RBM15B: variants seen among roughly 807,000 people sequenced by gnomAD.
RBM15B encodes putative RNA-binding protein 15B.
Under a neutral mutation model 53.3 loss-of-function variants are expected in RBM15B, and 11 were observed. The ratio of observed to expected loss-of-function variants is 0.21; its 90% confidence interval spans 0.13 to 0.34. The LOEUF is 0.34. RBM15B is among the 10% of genes least tolerant of loss of function. RBM15B has a pLI of 1.00. For missense variants in RBM15B, 1,136 were observed against 1,250.3 expected, an observed-to-expected ratio of 0.91 and a Z score of 1.38; for synonymous variants, 631 against 540.7, an observed-to-expected ratio of 1.17 and a Z score of -2.32.
rs1204068570 is a variant in RBM15B, at chr3:51,394,979, A to C, written c.*907A>C. The C allele has an allele frequency of 6.0e-6, 1 of 167,012 alleles. No homozygotes were observed. Among genetic ancestry groups the C allele is most frequent in the Non-Finnish European group, 1.5e-5 (1 of 68,166 alleles). 10.3% of individuals were successfully genotyped at this position (167,012 alleles called of 1,614,324 possible). A position where few individuals can be genotyped will look rare whatever the true frequency, so the allele number is the denominator to read the frequency against. Reference sequence around the variant, plus strand: ...AGGGGCCCGGGAGTCCAAATACTGGAATGGAGGGTTGGAGGCAGCCTTCCT... The same window carrying C: ...AGGGGCCCGGGAGTCCAAATACTGGCATGGAGGGTTGGAGGCAGCCTTCCT... On this transcript the variant is annotated 3_prime_UTR_variant, in exon 1 of 1. Coordinates refer to ENST00000563281, the MANE Select transcript of RBM15B (RefSeq NM_013286.5).
At position 51,392,533 on chromosome 3, in the gene RBM15B, C is replaced by T. The variant is rs2089056488; in HGVS notation, c.1134C>T (p.Ala378=). 4 of 1,613,898 alleles carry T rather than the reference C, an allele frequency of 2.5e-6. No individual in the cohort carries two copies. Among genetic ancestry groups the T allele is most frequent in the African/African-American group, 1.3e-5 (1 of 75,066 alleles). The change falls in exon 1 of 1, where the codon GCC becomes GCT. Residue 378 remains alanine (A), a synonymous_variant. Transcript: ENST00000563281. The surrounding 1 kb of genome is among the most constrained non-coding windows in gnomAD (Gnocchi z 7.5). Reference sequence around the variant, plus strand: ...GGCCTGCCCGTGGCCAGGGCGGTGCCTATGCCTTCCTCAAGTTCCAGAACC... The same window carrying T: ...GGCCTGCCCGTGGCCAGGGCGGTGCTTATGCCTTCCTCAAGTTCCAGAACC... ...IKRPARGQGG[A]YAFLKFQNLD...
At position 51,395,960 on chromosome 3, in the gene RBM15B, A is replaced by G. The variant is rs1163383396; in HGVS notation, c.*1888A>G. ...AGGTACCTAAGCAAGTCAGTTGGGT[A>G]CAGCAGGACACGCCACCATTCCAGG... On this transcript the variant is annotated 3_prime_UTR_variant, in exon 1 of 1. Coordinates refer to ENST00000563281, the MANE Select transcript of RBM15B (RefSeq NM_013286.5). 2.9e-5 allele frequency: 12 copies of G among 413,376 alleles called. No homozygotes were observed. Among genetic ancestry groups the G allele is most frequent in the African/African-American group, 2.3e-4 (11 of 48,632 alleles). 25.6% of individuals were successfully genotyped at this position (413,376 alleles called of 1,614,324 possible). A position where few individuals can be genotyped will look rare whatever the true frequency, so the allele number is the denominator to read the frequency against.
chr3:51,394,646 G>A lies in RBM15B; in HGVS notation c.*574G>A, dbSNP rs1553622285. The A allele has an allele frequency of 6.0e-6, 1 of 167,156 alleles. No individual in the cohort carries two copies. Among genetic ancestry groups the A allele is most frequent in the South Asian group, 2.1e-4 (1 of 4,830 alleles). 10.4% of individuals were successfully genotyped at this position (167,156 alleles called of 1,614,324 possible). On this transcript the variant is annotated 3_prime_UTR_variant, in exon 1 of 1. Transcript: ENST00000563281. ...CTGAGTAGAGCCCATGCAAAGGAAG[G>A]GATGGGGTGAGCGCAAGGCCTGTGG...
rs2089098640 is a variant in RBM15B at position 51,394,274 on chromosome 3, G to A, written c.*202G>A. The A allele has an allele frequency of 3.0e-6, 2 of 670,116 alleles. No homozygotes were observed. Among genetic ancestry groups the A allele is most frequent in the Admixed American group, 8.7e-5 (2 of 23,042 alleles). The allele number at this position is 670,116 out of a possible 1,614,324, so 41.5% of individuals were successfully genotyped here. A position where few individuals can be genotyped will look rare whatever the true frequency, so the allele number is the denominator to read the frequency against. On this transcript the variant is annotated 3_prime_UTR_variant, in exon 1 of 1. Coordinates refer to ENST00000563281, the MANE Select transcript of RBM15B (RefSeq NM_013286.5). ...TTTTTTTTTTTAAACGATGAGAAGG[G>A]AATCCGGTTATGTTGATTTCTAGTG...
chr3:51,394,082 G>A lies in RBM15B; in HGVS notation c.*10G>A, dbSNP rs782084966. The A allele has an allele frequency of 8.5e-6, 12 of 1,411,232 alleles. No homozygotes were observed. Among genetic ancestry groups the A allele is most frequent in the Non-Finnish European group, 1.1e-5 (12 of 1,078,128 alleles). 87.4% of individuals were successfully genotyped at this position (1,411,232 alleles called of 1,614,324 possible). On this transcript the variant is annotated 3_prime_UTR_variant, in exon 1 of 1. Coordinates refer to ENST00000563281, the MANE Select transcript of RBM15B (RefSeq NM_013286.5). ...CAGAGACACTGCCTAGCCCAAGCCT[G>A]TCTTTCCCAGCGTCATGTTTGTGTC...
At position 51,397,462 on chromosome 3, in the gene RBM15B, C is replaced by T. The variant is rs782003437; in HGVS notation, c.*3390C>T. On this transcript the variant is annotated 3_prime_UTR_variant, in exon 1 of 1. Transcript: ENST00000563281. ...CCGCTGCCCCAGCTACAGAGACGGC[C>T]GAAATGCTTTCACTCCTTAGCTTTG... 4 of 167,046 alleles carry T rather than the reference C, an allele frequency of 2.4e-5. No homozygotes were observed. Among genetic ancestry groups the T allele is most frequent in the Non-Finnish European group, 4.4e-5 (3 of 68,120 alleles). The allele number at this position is 167,046 out of a possible 1,614,324, so 10.3% of individuals were successfully genotyped here.
At position 51,394,203 on chromosome 3, in the gene RBM15B, C is replaced by T; in HGVS notation, c.*131C>T. On this transcript the variant is annotated 3_prime_UTR_variant, in exon 1 of 1. Coordinates refer to ENST00000563281, the MANE Select transcript of RBM15B (RefSeq NM_013286.5). ...TATTTTGGTTCATTTGGGTGGGGAT[C>T]AAAGTCCTGTCCACCACCAAAACTA... 17 of 1,197,594 alleles carry T rather than the reference C, an allele frequency of 1.4e-5. No individual in the cohort carries two copies. Among genetic ancestry groups the T allele is most frequent in the Non-Finnish European group, 1.8e-5 (17 of 938,580 alleles). The allele number at this position is 1,197,594 out of a possible 1,614,324, so 74.2% of individuals were successfully genotyped here.
At position 51,392,450 on chromosome 3, in the gene RBM15B, G is replaced by A. The variant is rs148038127; in HGVS notation, c.1051G>A (p.Val351Met). ...TAACCTGGACCACAGCGTATCTGAG[G>A]TGGAGCTGCGAAGGGCCTTCGAGAA... ...IGNLDHSVSE[V>M]ELRRAFEKYG... is the part of the protein sequence containing the mutation. Residue 351 changes from valine to methionine, a missense_variant, in exon 1 of 1, where the codon GTG becomes ATG. Val to Met is a conservative substitution (Grantham distance 21). Around this residue, in one of 7 missense-constraint regions of RBM15B, gnomAD observed 40 missense variants for 74.2 expected, o/e 0.54. Transcript: ENST00000563281. This position sits in a 1 kb window ranked among gnomAD's most constrained non-coding sequence, Gnocchi z 7.5. The A allele has an allele frequency of 1.6e-4, 264 of 1,613,928 alleles. No individual in the cohort carries two copies. Among genetic ancestry groups the A allele is most frequent in the Non-Finnish European group, 2.2e-4 (254 of 1,180,048 alleles).
chr3:51,391,832 A>C lies in RBM15B; in HGVS notation c.433A>C (p.Ser145Arg). 5.6e-6 allele frequency: 9 copies of C among 1,602,208 alleles called. No homozygotes were observed. Among genetic ancestry groups the C allele is most frequent in the Non-Finnish European group, 7.6e-6 (9 of 1,179,296 alleles). ...TGAGTACAAGACGTTGCTCATCAGC[A>C]GCTTGAGCCCCGCGCTGCCCGCCGA... ...APEYKTLLIS[S>R]LSPALPAEHL... Residue 145 changes from serine to arginine, a missense_variant, in exon 1 of 1, where the codon AGC (serine) becomes CGC (arginine). By Grantham distance (110) the Ser-to-Arg change is moderately radical (BLOSUM62 -1). Coordinates refer to ENST00000563281, the MANE Select transcript of RBM15B (RefSeq NM_013286.5). This position sits in a 1 kb window ranked among gnomAD's most constrained non-coding sequence, Gnocchi z 4.5.
In RBM15B at chr3:51,394,078, G is replaced by A; in HGVS notation, c.*6G>A. On this transcript the variant is annotated 3_prime_UTR_variant, in exon 1 of 1. Coordinates refer to ENST00000563281, the MANE Select transcript of RBM15B (RefSeq NM_013286.5). ...TCGTCAGAGACACTGCCTAGCCCAA[G>A]CCTGTCTTTCCCAGCGTCATGTTTG... 7.0e-7 allele frequency: 1 copy of A among 1,420,086 alleles called. No individual in the cohort carries two copies. Among genetic ancestry groups the A allele is most frequent in the Non-Finnish European group, 9.2e-7 (1 of 1,083,112 alleles). 88.0% of individuals were successfully genotyped at this position (1,420,086 alleles called of 1,614,324 possible). A position where few individuals can be genotyped will look rare whatever the true frequency, so the allele number is the denominator to read the frequency against.
Position 51,392,933 on chromosome 3 carries a change from C to G in RBM15B, c.1534C>G (p.Leu512Val). The G allele has an allele frequency of 6.2e-7, 1 of 1,613,850 alleles. No homozygotes were observed. Among genetic ancestry groups the G allele is most frequent in the South Asian group, 1.1e-5 (1 of 91,084 alleles). The change falls in exon 1 of 1, where the codon CTG (leucine) becomes GTG (valine). Residue 512 changes from leucine to valine, a missense_variant. Transcript: ENST00000563281. The surrounding 1 kb of genome is among the most constrained non-coding windows in gnomAD (Gnocchi z 7.5). ...QPSPLPVHYE[L>V]LTDGYTRHRN... is the part of the protein sequence containing the mutation. ...CTCGCCACTCCCTGTGCATTATGAG[C>G]TGCTCACAGATGGATACACCCGGCA...
In RBM15B at chr3:51,392,369, G is replaced by C; in HGVS notation, c.970G>C (p.Glu324Gln). 1 of 1,613,986 alleles carries C rather than the reference G, an allele frequency of 6.2e-7. No homozygotes were observed. The highest frequency in any genetic ancestry group is 8.5e-7 in the Non-Finnish European group (1 of 1,180,050). Residue 324 changes from glutamate to glutamine, a missense_variant, in exon 1 of 1, where the codon GAG becomes CAG. Glu to Gln is a conservative substitution (Grantham distance 29). Around this residue, in one of 7 missense-constraint regions of RBM15B, gnomAD observed 204 missense variants for 196.8 expected, o/e 1.04. Coordinates refer to ENST00000563281, the MANE Select transcript of RBM15B (RefSeq NM_013286.5). This position sits in a 1 kb window ranked among gnomAD's most constrained non-coding sequence, Gnocchi z 7.5. Reference sequence around the variant, plus strand: ...CCCCTATGGCTACCCAGCTGTGTGTGAGGAGGACCTGATGCCCGAGGATGA... The same window carrying C: ...CCCCTATGGCTACCCAGCTGTGTGTCAGGAGGACCTGATGCCCGAGGATGA... ...GRPYGYPAVC[E>Q]EDLMPEDDQR...
At position 51,392,981 on chromosome 3, in the gene RBM15B, G is replaced by A. The variant is rs782787475; in HGVS notation, c.1582G>A (p.Val528Met). The A allele has an allele frequency of 1.9e-6, 3 of 1,613,812 alleles. No individual in the cohort carries two copies. Among genetic ancestry groups the A allele is most frequent in the Middle Eastern group, 1.6e-4 (1 of 6,062 alleles). Reference protein sequence around the residue: ...TRHRNLDADLVRDRTPPHLLY... With the variant: ...TRHRNLDADLMRDRTPPHLLY... Reference sequence around the variant, plus strand: ...GCACCGCAACCTGGACGCCGACCTGGTGCGGGACAGGACGCCCCCACACCT... The same window carrying A: ...GCACCGCAACCTGGACGCCGACCTGATGCGGGACAGGACGCCCCCACACCT... The change falls in exon 1 of 1, where the codon GTG (valine) becomes ATG (methionine). Residue 528 changes from valine to methionine, a missense_variant. By Grantham distance (21) the Val-to-Met change is conservative (BLOSUM62 1). This residue lies in a region of RBM15B where 578 missense variants were observed against 581.6 expected (regional missense o/e 0.99). Coordinates refer to ENST00000563281, the MANE Select transcript of RBM15B (RefSeq NM_013286.5). The surrounding 1 kb of genome is among the most constrained non-coding windows in gnomAD (Gnocchi z 7.5).
rs782752907 is a variant in RBM15B, at chr3:51,391,853, G to A, written c.454G>A (p.Ala152Thr). The A allele has an allele frequency of 1.9e-6, 3 of 1,603,082 alleles. No individual in the cohort carries two copies. The highest frequency in any genetic ancestry group is 1.7e-5 in the Admixed American group (1 of 59,998). ...CAGCAGCTTGAGCCCCGCGCTGCCC[G>A]CCGAGCACCTCGAGGACCGGCTCTT... Reference protein sequence around the residue: ...LISSLSPALPAEHLEDRLFHQ... With the variant: ...LISSLSPALPTEHLEDRLFHQ... Residue 152 changes from alanine (A) to threonine (T), a missense_variant, in exon 1 of 1, where the codon GCC (alanine) becomes ACC (threonine). By Grantham distance (58) the Ala-to-Thr change is moderately conservative. Coordinates refer to ENST00000563281, the MANE Select transcript of RBM15B (RefSeq NM_013286.5). The surrounding 1 kb of genome is among the most constrained non-coding windows in gnomAD (Gnocchi z 4.5).
rs1559455840 is a variant in RBM15B at position 51,393,389 on chromosome 3, G to A, written c.1990G>A (p.Gly664Ser). The A allele has an allele frequency of 2.5e-6, 4 of 1,613,356 alleles. No individual in the cohort carries two copies. Among genetic ancestry groups the A allele is most frequent in the Non-Finnish European group, 3.4e-6 (4 of 1,179,812 alleles). ...CAGCAGACATGGGGCTGAGGAACGG[G>A]GCCACCACCACCACCACCACGAGGC... ...SNSRHGAEER[G>S]HHHHHHEAAD... The change falls in exon 1 of 1, where the codon GGC becomes AGC. Residue 664 changes from glycine (G) to serine (S), a missense_variant. By Grantham distance (56) the Gly-to-Ser change is moderately conservative (BLOSUM62 0). Coordinates refer to ENST00000563281, the MANE Select transcript of RBM15B (RefSeq NM_013286.5). The surrounding 1 kb of genome is among the most constrained non-coding windows in gnomAD (Gnocchi z 5.6).
chr3:51,393,874 C>T lies in RBM15B; in HGVS notation c.2475C>T (p.Val825=). The change falls in exon 1 of 1, where the codon GTC becomes GTT. Residue 825 remains valine, a synonymous_variant. Coordinates refer to ENST00000563281, the MANE Select transcript of RBM15B (RefSeq NM_013286.5). The surrounding 1 kb of genome is among the most constrained non-coding windows in gnomAD (Gnocchi z 5.6). Reference sequence around the variant, plus strand: ...AGAGGCGGCTTCTCAGGAACCTGGTCTCCTACTTGAAACAGAAGCAGGCCG... The same window carrying T: ...AGAGGCGGCTTCTCAGGAACCTGGTTTCCTACTTGAAACAGAAGCAGGCCG... ...GLQRRLLRNL[V]SYLKQKQAAG... The T allele has an allele frequency of 2.5e-6, 4 of 1,579,362 alleles. No homozygotes were observed. Among genetic ancestry groups the T allele is most frequent in the Non-Finnish European group, 3.4e-6 (4 of 1,164,610 alleles).
rs1553621954 is a variant in RBM15B, at chr3:51,393,373, T to C, written c.1974T>C (p.His658=). The C allele has an allele frequency of 1.2e-6, 2 of 1,612,922 alleles. No individual in the cohort carries two copies. Among genetic ancestry groups the C allele is most frequent in the South Asian group, 1.1e-5 (1 of 91,050 alleles). The change falls in exon 1 of 1, where the codon CAT becomes CAC. Residue 658 remains histidine, a synonymous_variant. Coordinates refer to ENST00000563281, the MANE Select transcript of RBM15B (RefSeq NM_013286.5). The surrounding 1 kb of genome is among the most constrained non-coding windows in gnomAD (Gnocchi z 5.6). ...SSSNSLSNSR[H]GAEERGHHHH... is the part of the protein sequence containing the mutation. ...GCAACTCCCTCAGCAACAGCAGACA[T>C]GGGGCTGAGGAACGGGGCCACCACC...
rs782084966 is a variant in RBM15B at position 51,394,082 on chromosome 3, G to T, written c.*10G>T. On this transcript the variant is annotated 3_prime_UTR_variant, in exon 1 of 1. Transcript: ENST00000563281. ...CAGAGACACTGCCTAGCCCAAGCCT[G>T]TCTTTCCCAGCGTCATGTTTGTGTC... 7.1e-7 allele frequency: 1 copy of T among 1,411,230 alleles called. No individual in the cohort carries two copies. The highest frequency in any genetic ancestry group is 2.6e-5 in the East Asian group (1 of 38,790). 87.4% of individuals were successfully genotyped at this position (1,411,230 alleles called of 1,614,324 possible).
rs1219536580 is a variant in RBM15B, at chr3:51,393,213, G to A, written c.1814G>A (p.Arg605Lys). Residue 605 changes from arginine (R) to lysine (K), a missense_variant, in exon 1 of 1, where the codon AGG becomes AAG. Arg to Lys is a conservative substitution (Grantham distance 26). Transcript: ENST00000563281. The surrounding 1 kb of genome is among the most constrained non-coding windows in gnomAD (Gnocchi z 5.6). ...AGAAGCCTTTCCAGTGACCGTGGGAGGACAACCCATTCACCATATGAGGAA... is the reference window on the plus strand; with the variant it reads ...AGAAGCCTTTCCAGTGACCGTGGGAAGACAACCCATTCACCATATGAGGAA... The part of the protein sequence containing the change: ...KRRSLSSDRG[R>K]TTHSPYEERS... 2.5e-6 allele frequency: 4 copies of A among 1,613,734 alleles called. No homozygotes were observed. In the African/African-American group the frequency reaches 4.0e-5, roughly 16 times the overall value.
Sources: allele counts gnomAD v4.1 joint callset, GRCh38; gene constraint gnomAD v4.1.1; regional missense constraint gnomAD v4.1.1; non-coding constraint Gnocchi (gnomAD v3.1); transcripts MANE v1.5; gene names NCBI Gene and HGNC (gene_info 2026-07-23, HGNC 2026-07-21).